The following LRRTM4 variants were observed in gnomAD, a reference collection of about 807,000 sequenced individuals.
LRRTM4 encodes the protein leucine-rich repeat transmembrane neuronal protein 4.
LRRTM4 carries 25 observed loss-of-function variants against 47.6 expected under a neutral mutation model. The observed-to-expected ratio is 0.53, with a 90% CI of 0.38 to 0.73. The LOEUF (loss-of-function observed/expected upper bound fraction) is 0.73. Ranked by LOEUF, LRRTM4 falls within the 30% of genes least tolerant of loss-of-function variation. The pLI is 0.00. For missense variants in LRRTM4, 638 were observed against 713.4 expected, an observed-to-expected ratio of 0.89 and a Z score of 1.20; for synonymous variants, 311 against 269.5, an observed-to-expected ratio of 1.15 and a Z score of -1.51.
chr2:77,090,942 C>A (rs1670607177), intron 3 of LRRTM4, among the ~76,000 whole-genome samples: 1 of 152,066 alleles, frequency 6.6e-6, no homozygotes, highest in East Asian at 1.9e-4. Flanking sequence ...CCTTCTTAAT[C>A]AATACGGAGG....
chr2:76,903,826 C>T (rs1030288716), intron 3 of LRRTM4, among the ~76,000 whole-genome samples: 2 of 152,100 alleles, frequency 1.3e-5, no homozygotes, highest in Admixed American at 6.6e-5. Flanking sequence ...AAGGTGGCAT[C>T]GAGAAAAGGT....
intron 3 of LRRTM4, among the ~76,000 whole-genome samples, chr2:77,241,948 T>C (rs1290763608): frequency 6.6e-6 from 1 of 152,132 alleles, no homozygotes; most frequent in Non-Finnish European, 1.5e-5. Flanking sequence ...ATTGACCCTA[T>C]GTGAAAGGGC....
rs115051687 is a variant in LRRTM4, at chr2:77,024,974, G to A, written c.1552-276058C>T. Among the ~76,000 whole-genome samples, 125 of 151,994 alleles carry A rather than the reference G, an allele frequency of 8.2e-4. No homozygotes were observed. The South Asian group carries it at 0.01, about 13-fold the overall frequency. On this transcript the variant is annotated intron_variant, in intron 3 of 3. Transcript: ENST00000409884. The stretch of plus-strand genomic sequence containing the variant: ...ATTATTAGTTTTTTGTTTCAAATAC[G>A]GTGAAAAAGAATCTTGATCTATATT...
intron 3 of LRRTM4, among the ~76,000 whole-genome samples, chr2:76,757,408 G>A (rs1673073414): frequency 1.3e-5 from 2 of 152,082 alleles, no homozygotes; most frequent in Admixed American, 1.3e-4. Context: ...TCTATGAGGT[G>A]CCCAGAGAGT....
chr2:77,458,173 G>T (rs1676635964), intron 3 of LRRTM4, among the ~76,000 whole-genome samples: 1 of 152,136 alleles, frequency 6.6e-6, no homozygotes, highest in African/African-American at 2.4e-5. Context: ...TGGGATTTGA[G>T]GTGGGATCTA....
intron 3 of LRRTM4, among the ~76,000 whole-genome samples, chr2:77,091,531 G>T (rs1670640922): frequency 6.6e-6 from 1 of 150,856 alleles, no homozygotes; most frequent in Non-Finnish European, 1.5e-5. Flanking sequence ...CAACCAAATT[G>T]TTTTGCCTGT....
intron 3 of LRRTM4, among the ~76,000 whole-genome samples, chr2:77,430,300 T>C (rs182598606): frequency 2.8e-4 from 43 of 152,336 alleles, no homozygotes; most frequent in Admixed American, 2.8e-3. Flanking sequence ...AATGGTCTTA[T>C]ATCCCATATA....
chr2:77,045,594 T>C lies in LRRTM4; in HGVS notation c.1552-296678A>G, dbSNP rs180948958. On this transcript the variant is annotated intron_variant, in intron 3 of 3. Coordinates refer to ENST00000409884, the MANE Select transcript of LRRTM4 (RefSeq NM_001134745.3). ...GGTGTTTCCTGTGCTACTCTCCTGA[T>C]AGTGAGTAAGTCTCACAAGATGGTT... 2.8e-3 allele frequency among the ~76,000 whole-genome samples: 427 copies of C among 152,002 alleles called. 4 individuals carry two copies. Among genetic ancestry groups the C allele is most frequent in the Non-Finnish European group, 3.1e-3 (211 of 67,918 alleles).
chr2:77,044,241 G>T (rs948666245), intron 3 of LRRTM4, among the ~76,000 whole-genome samples: 7 of 151,480 alleles, frequency 4.6e-5, no homozygotes, highest in Non-Finnish European at 7.4e-5. Context: ...AGAATATAAA[G>T]TATATACAAT....
intron 3 of LRRTM4, among the ~76,000 whole-genome samples, chr2:76,899,842 T>G (rs930288315): frequency 6.6e-6 from 1 of 152,162 alleles, no homozygotes; most frequent in Admixed American, 6.5e-5. Flanking sequence ...AACAAGTTCT[T>G]TGTTCATTAT....
chr2:76,938,751 T>C (rs1675040324), intron 3 of LRRTM4, among the ~76,000 whole-genome samples: 1 of 152,186 alleles, frequency 6.6e-6, no homozygotes, highest in South Asian at 2.1e-4. Context: ...TATGGAAGCT[T>C]ATTTTAAAAA....
At chr2:77,243,405 C>T (rs1327776826) in intron 3 of LRRTM4, among the ~76,000 whole-genome samples, 3 of 115,752 alleles carry the variant, frequency 2.6e-5, no homozygotes, top group Admixed American at 1.1e-4. Flanking sequence ...AGCGAAACTC[C>T]GTCTCAAAAT....
chr2:77,439,012 CA>C (rs1675723708), intron 3 of LRRTM4, among the ~76,000 whole-genome samples: 1 of 152,140 alleles, frequency 6.6e-6, no homozygotes, highest in South Asian at 2.1e-4. Flanking sequence ...AATATTCCCA[CA>C]AGTTATTCAA....
chr2:77,349,819 A>G (rs1487066530), intron 3 of LRRTM4, among the ~76,000 whole-genome samples: 2 of 152,166 alleles, frequency 1.3e-5, no homozygotes, highest in African/African-American at 4.8e-5. Flanking sequence ...AATTTAGTAC[A>G]TAAATAACAG....
At chr2:77,100,240 A>T (rs1012816697) in intron 3 of LRRTM4, among the ~76,000 whole-genome samples, 1 of 152,310 alleles carries the variant, frequency 6.6e-6, no homozygotes, top group East Asian at 1.9e-4. Context: ...AATTTATTTT[A>T]CGTCATTAAA....
At chr2:77,207,265 T>TA (rs1231802664) in intron 3 of LRRTM4, among the ~76,000 whole-genome samples, 1 of 145,620 alleles carries the variant, frequency 6.9e-6, no homozygotes, top group East Asian at 2.0e-4. Flanking sequence ...ATATATGAAG[T>TA]ACACATATAT....
chr2:76,776,084 A>C (rs950668584), intron 3 of LRRTM4, among the ~76,000 whole-genome samples: 1 of 151,998 alleles, frequency 6.6e-6, no homozygotes, highest in Non-Finnish European at 1.5e-5. Context: ...AAAGGACATG[A>C]ACTCATCATT....
intron 3 of LRRTM4, among the ~76,000 whole-genome samples, chr2:77,369,721 G>C (rs1286619410): frequency 6.6e-6 from 1 of 151,562 alleles, no homozygotes; most frequent in Non-Finnish European, 1.5e-5. Flanking sequence ...AAACCTAAAT[G>C]GTAGAGCCTA....
intron 3 of LRRTM4, among the ~76,000 whole-genome samples, chr2:77,294,290 A>AT (rs112005609): frequency 0.15 from 22,391 of 151,944 alleles, 3,679 homozygotes; most frequent in African/African-American, 0.4. Flanking sequence ...TGGAACATTG[A>AT]TTTTCAGTTA....
Sources: allele counts gnomAD v4.1 joint callset (sites outside exome capture counted in the v4.1 genomes callset), GRCh38; gene constraint gnomAD v4.1.1; transcripts MANE v1.5; gene names NCBI Gene and HGNC (gene_info 2026-07-23, HGNC 2026-07-21).